Variants in PDILT observed in about 807,000 individuals in gnomAD.
PDILT encodes protein disulfide-isomerase-like protein of the testis.
Under a neutral mutation model 53.7 loss-of-function variants are expected in PDILT, and 43 were observed. The ratio of observed to expected loss-of-function variants is 0.80; its 90% CI spans 0.63 to 1.03. PDILT has a LOEUF of 1.03. Ranked by LOEUF, PDILT falls within the 50% of genes least tolerant of loss-of-function variation. The probability of loss-of-function intolerance (pLI) is 0.00; values close to 1 mark genes in which losing one functional copy is unlikely to be tolerated. For synonymous variants in PDILT, 282 were observed against 274.2 expected, an observed-to-expected ratio of 1.03 and a Z score of -0.28; for missense variants, 727 against 712.3, an observed-to-expected ratio of 1.02 and a Z score of -0.24.
In PDILT at chr16:20,368,738, G is replaced by A. The variant is rs532568650; in HGVS notation, c.1116+754C>T. On this transcript the variant is annotated intron_variant, in intron 8 of 11. Coordinates refer to ENST00000302451, the MANE Select transcript of PDILT (RefSeq NM_174924.2). ...AGCCTCCTAAGTAGCTGAGACTACA[G>A]ATGCACACCACCACACCTGGCTAAT... is the stretch of plus-strand genomic sequence containing the variant. 1.5e-4 allele frequency among the ~76,000 whole-genome samples: 23 copies of A among 152,190 alleles called. 1 individual carries two copies. In the South Asian group the frequency reaches 4.8e-3, roughly 32 times the overall value.
chr16:20,367,039 CT>C (rs1184508293), intron 8 of PDILT, among the ~76,000 whole-genome samples: 6 of 27,670 alleles, frequency 2.2e-4, no homozygotes, highest in African/African-American at 8.7e-4. Flanking sequence ...TTCTTTCTTT[CT>C]TTCTTTCTTT....
chr16:20,395,936 C>A (rs1044361917), intron 2 of PDILT, among the ~76,000 whole-genome samples: 1 of 152,158 alleles, frequency 6.6e-6, no homozygotes, highest in Non-Finnish European at 1.5e-5. Flanking sequence ...AGTTGTGAAC[C>A]AAATAAAGCT....
chr16:20,384,937 C>T (rs1966514144), intron 2 of PDILT, 86 bp from the exon 3 acceptor site: 2 of 1,327,938 alleles, frequency 1.5e-6, no homozygotes, highest in African/African-American at 2.9e-5. Flanking sequence ...CTGCTTAGCT[C>T]CCGGAACCTT....
chr16:20,398,065 A>G (rs1966684338), intron 2 of PDILT, among the ~76,000 whole-genome samples: 1 of 152,172 alleles, frequency 6.6e-6, no homozygotes. Context: ...TTCCTCAACT[A>G]TCAAATAGGG....
intron 3 of PDILT, among the ~76,000 whole-genome samples, chr16:20,384,396 C>T (rs911647254): frequency 2.6e-5 from 4 of 152,132 alleles, no homozygotes; most frequent in Admixed American, 6.5e-5. Context: ...AGAAGTGATA[C>T]TTACCACTGT....
intron 1 of PDILT, among the ~76,000 whole-genome samples, chr16:20,399,947 G>A (rs902702848): frequency 3.9e-5 from 6 of 151,928 alleles, no homozygotes; most frequent in Non-Finnish European, 8.8e-5. Context: ...GTGACTCTTA[G>A]AGAAGTATGG....
rs149238787 is a variant in PDILT, at chr16:20,402,445, C to T, written c.-8+2051G>A. On this transcript the variant is annotated intron_variant, in intron 1 of 11. Transcript: ENST00000302451. The stretch of plus-strand genomic sequence containing the variant: ...TCTGGAGTAGCTGGGATTATAGGCG[C>T]GTGCCATCATGCCCGGCTAATTTTT... Among the ~76,000 whole-genome samples, 300 of 152,236 alleles carry T rather than the reference C, an allele frequency of 2.0e-3. 1 individual carries two copies. Among genetic ancestry groups the T allele is most frequent in the East Asian group, 0.015 (78 of 5,166 alleles).
intron 3 of PDILT, among the ~76,000 whole-genome samples, chr16:20,379,402 G>T (rs1213224817): frequency 6.6e-6 from 1 of 152,078 alleles, no homozygotes. Context: ...CGAACTCCAG[G>T]TGATCCTCCC....
chr16:20,389,230 CA>C, intron 2 of PDILT, among the ~76,000 whole-genome samples: 1 of 152,090 alleles, frequency 6.6e-6, no homozygotes, highest in African/African-American at 2.4e-5. Flanking sequence ...GCTATCTCAT[CA>C]AAAAGAGGCA....
At chr16:20,361,761 C>T (rs1966104394) in intron 10 of PDILT, among the ~76,000 whole-genome samples, 1 of 152,152 alleles carries the variant, frequency 6.6e-6, no homozygotes, top group African/African-American at 2.4e-5. Flanking sequence ...TGATTTAAGT[C>T]CCCACCATTC....
intron 2 of PDILT, among the ~76,000 whole-genome samples, chr16:20,389,110 A>C (rs987622962): frequency 2.0e-5 from 3 of 152,244 alleles, no homozygotes; most frequent in Non-Finnish European, 4.4e-5. Flanking sequence ...AGCAGTGCCC[A>C]GTGGGCTGTA....
rs546087684 is a variant in PDILT, at chr16:20,395,166, A to G, written c.202+3933T>C. Among the ~76,000 whole-genome samples the G allele has an allele frequency of 2.0e-5, 3 of 152,328 alleles. No individual in the cohort carries two copies. The South Asian group carries it at 6.2e-4, about 32-fold the overall frequency. ...CCTATAACCTTGGATCTTATGGCAA[A>G]TACTGAGAATCAGCCATTTATAACC... On this transcript the variant is annotated intron_variant, in intron 2 of 11. Coordinates refer to ENST00000302451, the MANE Select transcript of PDILT (RefSeq NM_174924.2).
intron 2 of PDILT, among the ~76,000 whole-genome samples, chr16:20,392,194 G>A (rs939432531): frequency 1.3e-5 from 2 of 152,136 alleles, no homozygotes; most frequent in Non-Finnish European, 2.9e-5. Flanking sequence ...ACATGTGAGA[G>A]TAGAAGAATC....
rs374024801 is a variant in PDILT, at chr16:20,360,623, C to G, written c.1451G>C (p.Gly484Ala). The G allele has an allele frequency of 6.2e-7, 1 of 1,613,972 alleles. No individual in the cohort carries two copies. The highest frequency in any genetic ancestry group is 1.3e-5 in the African/African-American group (1 of 74,910). The change falls in exon 11 of 12, where the codon GGC (glycine) becomes GCC (alanine). Residue 484 changes from glycine to alanine, a missense_variant. Physicochemically the swap from Gly to Ala is moderately conservative, Grantham distance 60 (BLOSUM62 0). Coordinates refer to ENST00000302451, the MANE Select transcript of PDILT (RefSeq NM_174924.2). Reference protein sequence around the residue: ...VLYKGEHTLKGFSDFLESHIK... With the variant: ...VLYKGEHTLKAFSDFLESHIK... ...GTGGCTTTCCAGGAAGTCAGAGAAGCCCTTCAGGGTGTGTTCTCCCTTATA... is the reference window on the plus strand; with the variant it reads ...GTGGCTTTCCAGGAAGTCAGAGAAGGCCTTCAGGGTGTGTTCTCCCTTATA...
At chr16:20,359,990 G>A (rs1187889353) in intron 11 of PDILT, among the ~76,000 whole-genome samples, 1 of 152,214 alleles carries the variant, frequency 6.6e-6, no homozygotes, top group Admixed American at 6.5e-5. Flanking sequence ...TTGAACTTCT[G>A]TGGGGAAATG....
chr16:20,390,407 A>T (rs944557070), intron 2 of PDILT, among the ~76,000 whole-genome samples: 1 of 152,114 alleles, frequency 6.6e-6, no homozygotes, highest in Non-Finnish European at 1.5e-5. Flanking sequence ...TGCATGGATC[A>T]CTGCCTCACC....
chr16:20,401,304 T>G (rs1966737499), intron 1 of PDILT, among the ~76,000 whole-genome samples: 1 of 152,234 alleles, frequency 6.6e-6, no homozygotes, highest in Non-Finnish European at 1.5e-5. Flanking sequence ...CCCTTGTTCT[T>G]AGAAATAATT....
intron 7 of PDILT, among the ~76,000 whole-genome samples, chr16:20,371,934 A>T (rs1966312803): frequency 6.6e-6 from 1 of 152,086 alleles, no homozygotes; most frequent in East Asian, 1.9e-4. Context: ...CATGACCATT[A>T]CTTGTGTTAT....
rs145694229 is a variant in PDILT, at chr16:20,403,392, C to A, written c.-8+1104G>T. Among the ~76,000 whole-genome samples the A allele has an allele frequency of 8.5e-5, 13 of 152,234 alleles. No individual in the cohort carries two copies. The South Asian group carries it at 2.7e-3, about 32-fold the overall frequency. Reference sequence around the variant, plus strand: ...GCAGCCTCCGCCTCCTGGGTTTAAGCGATTCTCCTGCTTCAACCTCCCTAG... The same window carrying A: ...GCAGCCTCCGCCTCCTGGGTTTAAGAGATTCTCCTGCTTCAACCTCCCTAG... On this transcript the variant is annotated intron_variant, in intron 1 of 11. Coordinates refer to ENST00000302451, the MANE Select transcript of PDILT (RefSeq NM_174924.2).
Sources: allele counts gnomAD v4.1 joint callset (sites outside exome capture counted in the v4.1 genomes callset), GRCh38; gene constraint gnomAD v4.1.1; transcripts MANE v1.5; gene names NCBI Gene and HGNC (gene_info 2026-07-23, HGNC 2026-07-21).